Variants in BCKDHB observed in about 807,000 individuals in gnomAD.
BCKDHB encodes the protein 2-oxoisovalerate dehydrogenase subunit beta, mitochondrial.
BCKDHB carries 41 observed loss-of-function variants against 48.5 expected under a neutral mutation model. The observed-to-expected ratio is 0.85, with a 90% CI of 0.66 to 1.10. BCKDHB has a LOEUF of 1.10. Among genes scored for constraint, BCKDHB ranks in the 50% least tolerant of loss-of-function variants. The probability of loss-of-function intolerance (pLI) is 0.00; values close to 1 mark genes in which losing one functional copy is unlikely to be tolerated. For synonymous variants in BCKDHB, 201 were observed against 174.8 expected (o/e 1.15, Z -1.18); for missense variants, 496 against 494.2 (o/e 1.00, Z -0.03).
intron 1 of BCKDHB, among the ~76,000 whole-genome samples, chr6:80,120,416 A>T (rs1769944176): frequency 6.6e-6 from 1 of 152,190 alleles, no homozygotes; most frequent in Non-Finnish European, 1.5e-5. Flanking sequence ...TTCTAGTTCT[A>T]GATCCTTGAG....
At chr6:80,224,901 G>A (rs1676022544) in intron 8 of BCKDHB, among the ~76,000 whole-genome samples, 2 of 152,188 alleles carry the variant, frequency 1.3e-5, no homozygotes, top group Non-Finnish European at 2.9e-5. Context: ...ACAGATGGTT[G>A]CTGAGCACCC....
the BCKDHB span, among the ~76,000 whole-genome samples, chr6:80,427,806 G>T: frequency 2.0e-5 from 3 of 152,002 alleles, no homozygotes; most frequent in Non-Finnish European, 4.4e-5. Context: ...CCTACTTCTT[G>T]ACAAAAAGTC....
downstream of BCKDHB, among the ~76,000 whole-genome samples, chr6:80,348,403 C>T (rs559235914): frequency 2.2e-4 from 34 of 152,246 alleles, no homozygotes; most frequent in Non-Finnish European, 4.1e-4. Flanking sequence ...CCTAGCATCC[C>T]GGCCTCCAAC....
chr6:80,406,231 G>C, the BCKDHB span, among the ~76,000 whole-genome samples: 2 of 152,192 alleles, frequency 1.3e-5, no homozygotes, highest in African/African-American at 4.8e-5. Flanking sequence ...ATCATTGATG[G>C]ACATTTGGGT....
intron 8 of BCKDHB, among the ~76,000 whole-genome samples, chr6:80,208,331 T>G (rs1774764239): frequency 6.6e-6 from 1 of 151,722 alleles, no homozygotes; most frequent in African/African-American, 2.4e-5. Flanking sequence ...GCTTAAGCCA[T>G]GCTCAGAGGA....
At chr6:80,197,954 C>CCATA (rs1774208950) in intron 6 of BCKDHB, among the ~76,000 whole-genome samples, 1 of 150,844 alleles carries the variant, frequency 6.6e-6, no homozygotes, top group Admixed American at 6.6e-5. Flanking sequence ...ATCCATCCAT[C>CCATA]CATCCATCCA....
intron 9 of BCKDHB, among the ~76,000 whole-genome samples, chr6:80,321,931 T>C (rs2128002202): frequency 6.6e-6 from 1 of 152,306 alleles, no homozygotes; most frequent in Non-Finnish European, 1.5e-5. Flanking sequence ...GTATTTAATA[T>C]TAAGTAAGCT....
At chr6:80,365,472 A>G in the BCKDHB span, among the ~76,000 whole-genome samples, 4 of 152,124 alleles carry the variant, frequency 2.6e-5, no homozygotes, top group Admixed American at 6.6e-5. Context: ...CTTGCTAGGA[A>G]AGAATTTAGT....
chr6:80,251,302 A>AT (rs1776826923), intron 8 of BCKDHB, among the ~76,000 whole-genome samples: 1 of 152,196 alleles, frequency 6.6e-6, no homozygotes, highest in South Asian at 2.1e-4. Context: ...GATTTTTCAG[A>AT]TAAGTTTTTG....
chr6:80,186,202 T>C lies in BCKDHB; in HGVS notation c.743-14732T>C, dbSNP rs189868411. ...TTTTGGCTCAGGCTACCAGGGTGGGTAGTGAAAAACCATGAGGTGGGGGCA... is the reference window on the plus strand; with the variant it reads ...TTTTGGCTCAGGCTACCAGGGTGGGCAGTGAAAAACCATGAGGTGGGGGCA... On this transcript the variant is annotated intron_variant, in intron 6 of 9. Transcript: ENST00000320393. 1.6e-4 allele frequency among the ~76,000 whole-genome samples: 24 copies of C among 152,070 alleles called. No individual in the cohort carries two copies. The East Asian group carries it at 3.9e-3, about 25-fold the overall frequency.
At chr6:80,412,442 C>A in the BCKDHB span, among the ~76,000 whole-genome samples, 3,323 of 152,176 alleles carry the variant, frequency 0.022, 130 homozygotes, top group African/African-American at 0.074. Context: ...CCATCACACC[C>A]AGGCTATAGT....
chr6:80,368,888 C>T, the BCKDHB span, among the ~76,000 whole-genome samples: 1 of 151,960 alleles, frequency 6.6e-6, no homozygotes, highest in African/African-American at 2.4e-5. Flanking sequence ...TGGCTCGTGC[C>T]TGTAGTCCCA....
At chr6:80,297,738 C>T (rs1423122476) in intron 9 of BCKDHB, among the ~76,000 whole-genome samples, 1 of 152,172 alleles carries the variant, frequency 6.6e-6, no homozygotes, top group African/African-American at 2.4e-5. Flanking sequence ...GACCATGTTT[C>T]TCTGATCCAT....
chr6:80,244,234 G>A (rs1433192471), intron 8 of BCKDHB, among the ~76,000 whole-genome samples: 1 of 152,240 alleles, frequency 6.6e-6, no homozygotes, highest in East Asian at 1.9e-4. Flanking sequence ...GGGACTGTGT[G>A]TGTGTGTGTG....
rs1193360758 is a variant in BCKDHB at position 80,112,953 on chromosome 6, C to G, written c.196+6064C>G. Among the ~76,000 whole-genome samples the G allele has an allele frequency of 9.8e-5, 15 of 152,308 alleles. No homozygotes were observed. In the East Asian group the frequency reaches 2.5e-3, roughly 26 times the overall value. On this transcript the variant is annotated intron_variant, in intron 1 of 9. Coordinates refer to ENST00000320393, the MANE Select transcript of BCKDHB (RefSeq NM_183050.4). ...CCATGCTTTCCCTTGCTTCCCGTTC[C>G]ACTAGAGTGTTAGCCATGAACTTTA...
intron 3 of BCKDHB, among the ~76,000 whole-genome samples, chr6:80,144,051 A>G (rs1049582162): frequency 2.0e-5 from 3 of 152,168 alleles, no homozygotes; most frequent in Non-Finnish European, 4.4e-5. Context: ...TCAATATCCT[A>G]TAGACAATGA....
chr6:80,139,347 C>A (rs573157125), intron 3 of BCKDHB, among the ~76,000 whole-genome samples: 15 of 151,862 alleles, frequency 9.9e-5, no homozygotes, highest in South Asian at 4.1e-4. Flanking sequence ...GTTGCCATTG[C>A]TTTTGGTGTT....
At chr6:80,167,932 C>G in intron 4 of BCKDHB, 121 bp downstream of exon 4, 3 of 1,057,484 alleles carry the variant, frequency 2.8e-6, no homozygotes, top group Non-Finnish European at 4.2e-6. Context: ...TAATGTATTA[C>G]AATTATAATT....
At chr6:80,368,190 C>G in the BCKDHB span, among the ~76,000 whole-genome samples, 1 of 152,144 alleles carries the variant, frequency 6.6e-6, no homozygotes, top group Non-Finnish European at 1.5e-5. Flanking sequence ...TCTGAATATC[C>G]AACTGCCTGC....
Sources: allele counts gnomAD v4.1 joint callset (sites outside exome capture counted in the v4.1 genomes callset), GRCh38; gene constraint gnomAD v4.1.1; transcripts MANE v1.5; gene names NCBI Gene and HGNC (gene_info 2026-07-23, HGNC 2026-07-21).